Variants in SMG6 observed in about 807,000 individuals in gnomAD.
SMG6 encodes the protein SMG6 nonsense mediated mRNA decay factor, also known as telomerase-binding protein EST1A.
A neutral mutation model predicts 142.2 loss-of-function variants in SMG6; 66 were observed. That is an observed-to-expected ratio of 0.46 (90% CI 0.38 to 0.57). SMG6 has a LOEUF of 0.57. Among genes scored for constraint, SMG6 ranks in the 20% least tolerant of loss-of-function variants. The pLI, the probability that SMG6 is intolerant of heterozygous loss-of-function variation, is 0.00. For missense variants in SMG6, 1,793 were observed against 1,832.0 expected, an observed-to-expected ratio of 0.98 and a Z score of 0.39; for synonymous variants, 779 against 702.4, an observed-to-expected ratio of 1.11 and a Z score of -1.72.
chr17:2,172,917 A>T (rs1439454807), intron 12 of SMG6, 58 bp from the exon 13 acceptor site: 1 of 1,506,458 alleles, frequency 6.6e-7, no homozygotes, highest in Non-Finnish European at 9.2e-7. Flanking sequence ...AAAAAAAAGT[A>T]TTCTCAGTAT....
At chr17:2,159,405 G>C (rs527604280) in intron 13 of SMG6, among the ~76,000 whole-genome samples, 7 of 152,150 alleles carry the variant, frequency 4.6e-5, no homozygotes, top group Non-Finnish European at 8.8e-5. Flanking sequence ...ACTCCAGTGT[G>C]GGTGACAGCG....
intron 13 of SMG6, among the ~76,000 whole-genome samples, chr17:2,144,049 C>CTTT (rs57316349): frequency 1.5e-5 from 1 of 65,062 alleles, no homozygotes. Context: ...ACCACGGCCG[C>CTTT]TTTTTTTTTT....
chr17:2,063,412 C>T (rs1017005726), intron 18 of SMG6, among the ~76,000 whole-genome samples: 8 of 152,214 alleles, frequency 5.3e-5, no homozygotes, highest in African/African-American at 1.9e-4. Context: ...GACAAATGGG[C>T]TTTGATTACA....
intron 8 of SMG6, among the ~76,000 whole-genome samples, chr17:2,273,430 G>A (rs2074581693): frequency 6.6e-6 from 1 of 152,198 alleles, no homozygotes; most frequent in Non-Finnish European, 1.5e-5. Context: ...GGAGGCCGAG[G>A]CGGGTGGATC....
chr17:2,281,469 G>C (rs980753808), intron 8 of SMG6, among the ~76,000 whole-genome samples: 1 of 152,096 alleles, frequency 6.6e-6, no homozygotes, highest in African/African-American at 2.4e-5. Flanking sequence ...GTTCAACCAA[G>C]TCTTTTGGAT....
intron 1 of SMG6, chr17:2,303,166 G>T (rs543511509): frequency 1.3e-5 from 13 of 985,472 alleles, no homozygotes; most frequent in South Asian, 4.7e-5. Flanking sequence ...TCTTGGGGGG[G>T]AAAAGTTCAG....
intron 10 of SMG6, among the ~76,000 whole-genome samples, chr17:2,190,282 G>A (rs1695740026): frequency 6.6e-6 from 1 of 152,140 alleles, no homozygotes; most frequent in African/African-American, 2.4e-5. Flanking sequence ...ACAAGTGGAG[G>A]CCACATCCTG....
At chr17:2,179,923 A>G (rs1270900408) in intron 12 of SMG6, among the ~76,000 whole-genome samples, 1 of 152,154 alleles carries the variant, frequency 6.6e-6, no homozygotes. Context: ...AAAGCAATAA[A>G]CCAACTGCCA....
intron 10 of SMG6, among the ~76,000 whole-genome samples, chr17:2,203,963 C>T (rs542781764): frequency 2.0e-5 from 3 of 152,240 alleles, no homozygotes; most frequent in South Asian, 2.1e-4. Context: ...TCTGTGGCTT[C>T]CTGAACGATT....
chr17:2,237,532 GTT>G, intron 9 of SMG6: 1 of 985,466 alleles, frequency 1.0e-6, no homozygotes, highest in African/African-American at 1.7e-5. Context: ...TTCTTCGTGT[GTT>G]GCCGTCCTCC....
At chr17:2,192,861 C>G (rs560782678) in intron 10 of SMG6, among the ~76,000 whole-genome samples, 2 of 152,158 alleles carry the variant, frequency 1.3e-5, no homozygotes, top group Non-Finnish European at 2.9e-5. Flanking sequence ...TGTATAGGAA[C>G]GAGACAAAAA....
chr17:2,068,779 G>A lies in SMG6; in HGVS notation c.3834C>T (p.Ile1278=), dbSNP rs754675240. 5 of 1,613,728 alleles carry A rather than the reference G, an allele frequency of 3.1e-6. No individual in the cohort carries two copies. In the African/African-American group the frequency reaches 4.0e-5, roughly 13 times the overall value. The part of the protein sequence containing the change: ...SRKYILVVPL[I]VINELDGLAK... ...CTCTGCCCTTCCCGCCTGACTCACC[G>A]ATGAGGGGCACCACCAGGATGTACT... The change falls in exon 16 of 19, where the codon ATC becomes ATT. Residue 1278 remains isoleucine (I), a splice_region_variant and synonymous_variant. Coordinates refer to ENST00000263073, the MANE Select transcript of SMG6 (RefSeq NM_017575.5). This position sits in a 1 kb window ranked among gnomAD's most constrained non-coding sequence, Gnocchi z 6.7.
chr17:2,124,352 A>G (rs1028929030), intron 13 of SMG6, among the ~76,000 whole-genome samples: 1 of 152,256 alleles, frequency 6.6e-6, no homozygotes, highest in Non-Finnish European at 1.5e-5. Context: ...CTGGCTAACT[A>G]CTGGGTTAGT....
intron 8 of SMG6, among the ~76,000 whole-genome samples, chr17:2,251,552 T>C (rs1397841884): frequency 1.3e-5 from 2 of 152,220 alleles, no homozygotes; most frequent in East Asian, 3.8e-4. Context: ...AAGTGTAAAA[T>C]GTGCCTTTTA....
At chr17:2,174,721 A>T (rs1204204168) in intron 12 of SMG6, among the ~76,000 whole-genome samples, 1 of 152,180 alleles carries the variant, frequency 6.6e-6, no homozygotes, top group Non-Finnish European at 1.5e-5. Flanking sequence ...AACCAGACTC[A>T]TTCACAAAGC....
Position 2,065,561 on chromosome 17 carries a change from G to A in SMG6, c.3954C>T (p.Phe1318=), listed in dbSNP as rs370035282. ...RKSIEFLEQR[F]ESRDSCLRAL... is the part of the protein sequence containing the mutation. ...CTCGCAGGCAAGAGTCCCGACTCTC[G>A]AATCGCTGCTCGAGGAACTCGATGG... The change falls in exon 17 of 19, where the codon TTC becomes TTT. Residue 1318 remains phenylalanine, a synonymous_variant. Coordinates refer to ENST00000263073, the MANE Select transcript of SMG6 (RefSeq NM_017575.5). 21 of 1,613,928 alleles carry A rather than the reference G, an allele frequency of 1.3e-5. No homozygotes were observed. The highest frequency in any genetic ancestry group is 6.7e-5 in the African/African-American group (5 of 74,920).
At chr17:2,270,103 T>C (rs2074513716) in intron 8 of SMG6, among the ~76,000 whole-genome samples, 1 of 151,872 alleles carries the variant, frequency 6.6e-6, no homozygotes, top group Non-Finnish European at 1.5e-5. Context: ...GGCTCTGACA[T>C]ACAAATACTA....
chr17:2,300,379 G>C lies in SMG6; in HGVS notation c.374C>G (p.Ala125Gly), dbSNP rs1249940424. The part of the protein sequence containing the change: ...NRGQESFPRT[A>G]GQEDRSLKII... ...TTTTAGACTACGATCCTCTTGTCCAGCAGTCCTAGGAAAGGATTCTTGTCC... is the reference window on the plus strand; with the variant it reads ...TTTTAGACTACGATCCTCTTGTCCACCAGTCCTAGGAAAGGATTCTTGTCC... Residue 125 changes from alanine (A) to glycine (G), a missense_variant, in exon 2 of 19, where the codon GCT becomes GGT. By Grantham distance (60) the Ala-to-Gly change is moderately conservative (BLOSUM62 0). Coordinates refer to ENST00000263073, the MANE Select transcript of SMG6 (RefSeq NM_017575.5). The C allele has an allele frequency of 6.2e-7, 1 of 1,613,948 alleles. No homozygotes were observed.
intron 15 of SMG6, among the ~76,000 whole-genome samples, chr17:2,077,386 G>T (rs549302211): frequency 1.2e-4 from 19 of 152,304 alleles, no homozygotes; most frequent in Admixed American, 1.2e-3. Flanking sequence ...GGGAGACCAG[G>T]GGGGGCTTCA....
Sources: gnomAD v4.1 joint callset for allele counts (sites outside exome capture counted in the v4.1 genomes callset) on GRCh38, gnomAD v4.1.1 for gene constraint, Gnocchi (gnomAD v3.1) non-coding constraint, MANE v1.5 for transcripts, NCBI Gene and HGNC (gene_info 2026-07-23, HGNC 2026-07-21) for gene names.